The following PCDHA3 variants were observed in gnomAD, a reference collection of about 807,000 sequenced individuals.
PCDHA3 encodes protocadherin alpha-3.
A neutral mutation model predicts 62.2 loss-of-function variants in PCDHA3; 41 were observed. The observed-to-expected ratio is 0.66, with a 90% CI of 0.51 to 0.86. The LOEUF (loss-of-function observed/expected upper bound fraction) is 0.86. PCDHA3 is among the 40% of genes least tolerant of loss of function. PCDHA3 has a pLI of 0.00. For missense variants in PCDHA3, 1,304 were observed against 1,241.2 expected (o/e 1.05, Z -0.76); for synonymous variants, 640 against 555.4 (o/e 1.15, Z -2.14).
At chr5:140,978,924 GA>G (rs781894146) in intron 1 of PCDHA3, 24 bp from the exon 2 acceptor site, 202 of 1,613,894 alleles carry the variant, frequency 1.3e-4, no homozygotes, top group Middle Eastern at 6.6e-4. Context: ...CATTTTAACA[GA>G]AAACTCTCTT....
chr5:140,919,505 CTA>C (rs2079156587), intron 1 of PCDHA3, among the ~76,000 whole-genome samples: 3 of 152,008 alleles, frequency 2.0e-5, no homozygotes, highest in Admixed American at 6.6e-5. Context: ...ACTCCTTTTT[CTA>C]TATGTTTTAA....
intron 1 of PCDHA3, among the ~76,000 whole-genome samples, chr5:140,957,549 C>T (rs563057107): frequency 6.6e-6 from 1 of 152,038 alleles, no homozygotes; most frequent in South Asian, 2.1e-4. Flanking sequence ...AAAGTATTCT[C>T]TGTGGAAAAG....
Position 140,802,261 on chromosome 5 carries a change from TA to T in PCDHA3, c.1065del (p.Ser356LeufsTer5), listed in dbSNP as rs1762876616. On this transcript the variant is annotated frameshift_variant, in exon 1 of 4. Transcript: ENST00000522353. LOFTEE classifies it high-confidence loss of function. Reference sequence around the variant, plus strand: ...GTACCTGAGTTAGTTATTCAATCACTATCTTTACCTGTATTAGAAGACTCTC... The same window carrying T: ...GTACCTGAGTTAGTTATTCAATCACTTCTTTACCTGTATTAGAAGACTCTC... ...DNVPELVIQSLSLPVLEDSPL... is the reference protein window; with the variant it reads ...DNVPELVIQSXSLPVLEDSPL... 2.5e-6 allele frequency: 4 copies of T among 1,614,264 alleles called. No homozygotes were observed. Among genetic ancestry groups the T allele is most frequent in the Non-Finnish European group, 3.4e-6 (4 of 1,180,044 alleles).
intron 3 of PCDHA3, among the ~76,000 whole-genome samples, chr5:140,999,135 C>T (rs2097848218): frequency 6.6e-6 from 1 of 152,180 alleles, no homozygotes; most frequent in Non-Finnish European, 1.5e-5. Context: ...GAAAATGTCA[C>T]AGCCGGAAGT....
chr5:140,930,494 A>T (rs1238249815), intron 1 of PCDHA3: 3 of 152,500 alleles, frequency 2.0e-5, no homozygotes, highest in Admixed American at 6.6e-5. Flanking sequence ...AAGTGCTGGG[A>T]TTACAGGCAT....
intron 3 of PCDHA3, among the ~76,000 whole-genome samples, chr5:140,996,592 C>T (rs2097733979): frequency 6.7e-6 from 1 of 149,052 alleles, no homozygotes; most frequent in African/African-American, 2.4e-5. Context: ...AGGGCCGCCT[C>T]CCCCCATTTT....
chr5:140,835,558 G>A (rs1359916127), intron 1 of PCDHA3: 13 of 1,613,894 alleles, frequency 8.1e-6, no homozygotes, highest in Non-Finnish European at 1.0e-5. Context: ...CTGACGCCCC[G>A]CGTTCCCTTC....
intron 3 of PCDHA3, among the ~76,000 whole-genome samples, chr5:141,007,668 G>C (rs556655396): frequency 6.6e-6 from 1 of 152,262 alleles, no homozygotes; most frequent in East Asian, 1.9e-4. Context: ...AATTTACAAA[G>C]ACAAAAGTTA....
rs1340141507 is a variant in PCDHA3, at chr5:140,939,833, CTTG to C, written c.2395-39108_2395-39106del. 2.6e-5 allele frequency among the ~76,000 whole-genome samples: 4 copies of C among 152,224 alleles called. No individual in the cohort carries two copies. The East Asian group carries it at 7.7e-4, about 29-fold the overall frequency. ...AAGAAAAAGCAGTATTCTGACATTG[CTTG>C]TTGTTGTGTTCTGTATATGTCCATT... On this transcript the variant is annotated intron_variant, in intron 1 of 3. Transcript: ENST00000522353.
At chr5:140,992,486 A>G (rs2097515048) in intron 3 of PCDHA3, among the ~76,000 whole-genome samples, 1 of 152,182 alleles carries the variant, frequency 6.6e-6, no homozygotes, top group Non-Finnish European at 1.5e-5. Flanking sequence ...CCAGAGGCCA[A>G]TCTGTAAGGA....
chr5:140,844,111 C>T lies in PCDHA3; in HGVS notation c.2394+40520C>T, dbSNP rs2150368836. Among the ~76,000 whole-genome samples, 154 of 149,570 alleles carry T rather than the reference C, an allele frequency of 1.0e-3. 8 individuals are homozygous for T. The highest frequency in any genetic ancestry group is 3.7e-3 in the African/African-American group (153 of 40,936). On this transcript the variant is annotated intron_variant, in intron 1 of 3. Transcript: ENST00000522353. ...TCTTAATCTTACTCCATATGCTGTA[C>T]TTTGAAATGCATGTTTTAAATATGT...
At chr5:140,842,221 A>G (rs1420540390) in intron 1 of PCDHA3, 1 of 1,613,116 alleles carries the variant, frequency 6.2e-7, no homozygotes, top group Non-Finnish European at 8.5e-7. Context: ...GAAATACGGG[A>G]GAAATAGTGA....
At chr5:140,868,957 A>T (rs2050760003) in intron 1 of PCDHA3, 1 of 1,389,232 alleles carries the variant, frequency 7.2e-7, no homozygotes, top group Non-Finnish European at 9.7e-7. Context: ...AGGCACTCCC[A>T]TACAAAGGAA....
intron 1 of PCDHA3, among the ~76,000 whole-genome samples, chr5:140,894,375 T>G (rs1246573357): frequency 1.3e-5 from 2 of 152,054 alleles, no homozygotes; most frequent in Non-Finnish European, 2.9e-5. Context: ...ATGGCTCCAA[T>G]TATATTTGTA....
chr5:140,842,934 G>A (rs2150348030), intron 1 of PCDHA3: 3 of 1,594,530 alleles, frequency 1.9e-6, no homozygotes, highest in Non-Finnish European at 2.6e-6. Context: ...GTGAGCGCGC[G>A]CGACGCGGGC....
intron 1 of PCDHA3, chr5:140,884,495 A>T: frequency 6.2e-7 from 1 of 1,614,034 alleles, no homozygotes; most frequent in Non-Finnish European, 8.5e-7. Flanking sequence ...AGTGTGCTCC[A>T]GCGCGGCAGG....
chr5:140,924,103 TC>T (rs1377290150), intron 1 of PCDHA3, among the ~76,000 whole-genome samples: 1 of 152,234 alleles, frequency 6.6e-6, no homozygotes, highest in African/African-American at 2.4e-5. Flanking sequence ...AAATTTTCAT[TC>T]CAAAGCAGTT....
rs782120132 is a variant in PCDHA3, at chr5:140,884,464, C to T, written c.2394+80873C>T. On this transcript the variant is annotated intron_variant, in intron 1 of 3. Coordinates refer to ENST00000522353, the MANE Select transcript of PCDHA3 (RefSeq NM_018906.3). ...CGGCACCGCCCACCGAGGGCGCGTG[C>T]GCGCCGGGCAAGCCCACTCTAGTGT... 51 of 1,613,768 alleles carry T rather than the reference C, an allele frequency of 3.2e-5. 1 individual carries two copies. In the East Asian group the frequency reaches 9.6e-4, roughly 30 times the overall value.
At position 140,835,614 on chromosome 5, in the gene PCDHA3, A is replaced by C. The variant is rs2150239494; in HGVS notation, c.2394+32023A>C. On this transcript the variant is annotated intron_variant, in intron 1 of 3. Transcript: ENST00000522353. ...GAATTACTATTCATTGGTGCTGGAC[A>C]GCGCTCTGGACCGCGAGAGTGTGTC... 7 of 1,613,916 alleles carry C rather than the reference A, an allele frequency of 4.3e-6. No individual in the cohort carries two copies. In the East Asian group the frequency reaches 1.3e-4, roughly 31 times the overall value.
Sources: gnomAD v4.1 joint callset for allele counts (sites outside exome capture counted in the v4.1 genomes callset) on GRCh38, gnomAD v4.1.1 for gene constraint, MANE v1.5 for transcripts, NCBI Gene and HGNC (gene_info 2026-07-23, HGNC 2026-07-21) for gene names.